Variants in CAMTA1 observed in about 807,000 individuals in gnomAD.
The protein encoded by CAMTA1 is calmodulin-binding transcription activator 1.
A neutral mutation model predicts 170.9 loss-of-function variants in CAMTA1; 27 were observed. The observed-to-expected ratio is 0.16, with a 90% CI of 0.12 to 0.22. The LOEUF is 0.22. Ranked by LOEUF, CAMTA1 falls within the 10% of genes least tolerant of loss-of-function variation. The pLI is 1.00. For synonymous variants in CAMTA1, 833 were observed against 891.5 expected (o/e 0.93, Z 1.17); for missense variants, 1,619 against 2,217.2 (o/e 0.73, Z 5.42).
At chr1:7,027,032 C>CA (rs1315608570) in intron 3 of CAMTA1, among the ~76,000 whole-genome samples, 1 of 152,008 alleles carries the variant, frequency 6.6e-6, no homozygotes, top group Non-Finnish European at 1.5e-5. Context: ...TGAGACGTGG[C>CA]AGAGTCAGGC....
In CAMTA1 at chr1:7,431,594, G is replaced by A. The variant is rs547236163; in HGVS notation, c.439-36236G>A. Among the ~76,000 whole-genome samples, 5 of 152,272 alleles carry A rather than the reference G, an allele frequency of 3.3e-5. No individual in the cohort carries two copies. In the South Asian group the frequency reaches 8.3e-4, roughly 25 times the overall value. ...TTCCCAACTGCCCTCCCGAATGGAC[G>A]GCCACTTTGGGGTGGGCGCCAGGCA... On this transcript the variant is annotated intron_variant, in intron 5 of 22. Transcript: ENST00000303635.
chr1:7,372,912 G>A (rs965175007), intron 5 of CAMTA1, among the ~76,000 whole-genome samples: 1 of 152,116 alleles, frequency 6.6e-6, no homozygotes, highest in African/African-American at 2.4e-5. Context: ...GGAGCAAAGG[G>A]GCCAGGCCCC....
intron 5 of CAMTA1, among the ~76,000 whole-genome samples, chr1:7,458,470 A>G (rs1481543743): frequency 6.6e-6 from 1 of 152,132 alleles, no homozygotes; most frequent in Non-Finnish European, 1.5e-5. Flanking sequence ...AGAGTGATTT[A>G]ACATTGTGGA....
chr1:6,980,201 C>T (rs1225304205), intron 3 of CAMTA1, among the ~76,000 whole-genome samples: 2 of 152,170 alleles, frequency 1.3e-5, no homozygotes, highest in Admixed American at 6.5e-5. Context: ...TGGGGGCCTA[C>T]AAGTCGGGGT....
intron 6 of CAMTA1, among the ~76,000 whole-genome samples, chr1:7,590,731 G>A (rs1326919706): frequency 6.6e-6 from 1 of 152,124 alleles, no homozygotes; most frequent in South Asian, 2.1e-4. Context: ...CAAAAGGACC[G>A]GCACCTTTGC....
intron 6 of CAMTA1, among the ~76,000 whole-genome samples, chr1:7,490,899 A>C (rs2149693535): frequency 6.6e-6 from 1 of 152,188 alleles, no homozygotes; most frequent in South Asian, 2.1e-4. Flanking sequence ...TGAGGACATA[A>C]CCCCAAAGCA....
intron 11 of CAMTA1, among the ~76,000 whole-genome samples, chr1:7,714,360 A>G (rs748884345): frequency 3.9e-5 from 6 of 152,362 alleles, no homozygotes; most frequent in Non-Finnish European, 7.3e-5. Context: ...AAGCCAATTC[A>G]TCAGAGCATC....
At chr1:7,696,630 G>C (rs1158605235) in intron 11 of CAMTA1, among the ~76,000 whole-genome samples, 1 of 152,102 alleles carries the variant, frequency 6.6e-6, no homozygotes, top group Non-Finnish European at 1.5e-5. Flanking sequence ...CTGGGCTGTA[G>C]GGTACACGGC....
At chr1:7,708,157 C>T (rs993885842) in intron 11 of CAMTA1, among the ~76,000 whole-genome samples, 1 of 151,064 alleles carries the variant, frequency 6.6e-6, no homozygotes, top group African/African-American at 2.4e-5. Flanking sequence ...ATGGAGAAAC[C>T]CCGTCTCTAC....
At chr1:7,705,089 G>A (rs1194743096) in intron 11 of CAMTA1, among the ~76,000 whole-genome samples, 2 of 151,212 alleles carry the variant, frequency 1.3e-5, no homozygotes, top group African/African-American at 4.8e-5. Context: ...TGCGCGGACC[G>A]GGCGTGTTTA....
At chr1:7,110,983 G>A (rs761530633) in intron 4 of CAMTA1, among the ~76,000 whole-genome samples, 19 of 152,230 alleles carry the variant, frequency 1.2e-4, no homozygotes, top group Admixed American at 1.0e-3. Flanking sequence ...GGTGTCAGAA[G>A]GGCTGCGCTC....
Position 7,664,364 on chromosome 1 carries a change from C to T in CAMTA1, c.1817C>T (p.Pro606Leu), listed in dbSNP as rs1393300637. The T allele has an allele frequency of 1.2e-6, 2 of 1,613,740 alleles. No individual in the cohort carries two copies. The highest frequency in any genetic ancestry group is 1.7e-6 in the Non-Finnish European group (2 of 1,180,028). Residue 606 changes from proline (P) to leucine (L), a missense_variant, in exon 9 of 23, where the codon CCC becomes CTC. Around this residue, in one of 8 missense-constraint regions of CAMTA1, gnomAD observed 731 missense variants for 907.6 expected, o/e 0.81. Transcript: ENST00000303635. The stretch of plus-strand genomic sequence containing the variant: ...AGCTTCAGCCAGACGGGCCACAGCC[C>T]CCACATCCACCAGACCCCCTCCCCG... ...TSSFSQTGHS[P>L]HIHQTPSPSF...
chr1:7,168,490 C>T (rs1275199346), intron 4 of CAMTA1, among the ~76,000 whole-genome samples: 2 of 152,164 alleles, frequency 1.3e-5, no homozygotes, highest in African/African-American at 4.8e-5. Context: ...GCAACCTCTG[C>T]CTCCCAGGTT....
At chr1:6,906,653 C>T (rs777167451) in intron 3 of CAMTA1, among the ~76,000 whole-genome samples, 1 of 152,170 alleles carries the variant, frequency 6.6e-6, no homozygotes, top group Non-Finnish European at 1.5e-5. Flanking sequence ...ATTGGAGCAA[C>T]AGGAGCTTGG....
intron 3 of CAMTA1, among the ~76,000 whole-genome samples, chr1:6,917,209 C>T (rs546348249): frequency 6.6e-6 from 1 of 151,812 alleles, no homozygotes; most frequent in Non-Finnish European, 1.5e-5. Context: ...GTTCATGACA[C>T]TGGAGGAAGC....
chr1:6,789,561 G>T (rs551862984), intron 1 of CAMTA1, among the ~76,000 whole-genome samples: 1 of 152,278 alleles, frequency 6.6e-6, no homozygotes, highest in East Asian at 1.9e-4. Flanking sequence ...AGTAGAAGGT[G>T]ATTCTCTTAT....
intron 5 of CAMTA1, among the ~76,000 whole-genome samples, chr1:7,411,915 C>T (rs7415917): frequency 9.9e-6 from 1 of 100,702 alleles, no homozygotes; most frequent in African/African-American, 3.6e-5. Context: ...CCCCTCCCCC[C>T]ACCCCACAAC....
At chr1:6,870,366 G>T (rs1168461803) in intron 3 of CAMTA1, among the ~76,000 whole-genome samples, 2 of 152,050 alleles carry the variant, frequency 1.3e-5, no homozygotes, top group Non-Finnish European at 2.9e-5. Flanking sequence ...AAAACATTGT[G>T]TTTTTTGAAA....
Position 7,751,374 on chromosome 1 carries a change from T to C in CAMTA1, c.4865T>C (p.Ile1622Thr). 1 of 1,599,552 alleles carries C rather than the reference T, an allele frequency of 6.3e-7. No homozygotes were observed. The highest frequency in any genetic ancestry group is 8.5e-7 in the Non-Finnish European group (1 of 1,175,374). ...CGGCAGGCTCGCCGGACGGCTGTGA[T>C]TGTACAACAGAAACTCAGGTGGGTG... ...KRRQARRTAV[I>T]VQQKLRSSLL... is the part of the protein sequence containing the mutation. The change falls in exon 20 of 23, where the codon ATT (isoleucine) becomes ACT (threonine). Residue 1622 changes from isoleucine to threonine, a missense_variant. Ile to Thr is a moderately conservative substitution (Grantham distance 89). This residue lies in a region of CAMTA1 where 128 missense variants were observed against 213.5 expected (regional missense o/e 0.60). Transcript: ENST00000303635.
Sources: gnomAD v4.1 joint callset for allele counts (sites outside exome capture counted in the v4.1 genomes callset) on GRCh38, gnomAD v4.1.1 for gene constraint, gnomAD v4.1.1 regional missense constraint, MANE v1.5 for transcripts, NCBI Gene and HGNC (gene_info 2026-07-23, HGNC 2026-07-21) for gene names.